Variants in KIRREL1 observed in about 807,000 individuals in gnomAD.
KIRREL1 encodes the protein kin of IRRE-like protein 1.
In KIRREL1, 25 loss-of-function variants were observed where a neutral mutation model predicts 83.3. The observed-to-expected ratio is 0.30, with a 90% confidence interval of 0.22 to 0.42. The LOEUF is 0.42. KIRREL1 is among the 10% of genes least tolerant of loss of function. The probability of loss-of-function intolerance (pLI) is 1.00; values close to 1 mark genes in which losing one functional copy is unlikely to be tolerated. For missense variants in KIRREL1, 812 were observed against 1,032.3 expected (o/e 0.79, Z 2.92); for synonymous variants, 388 against 410.4 (o/e 0.95, Z 0.66).
rs1661745107 is a variant in KIRREL1, at chr1:158,078,255, G to A, written c.352+115G>A. The stretch of plus-strand genomic sequence containing the variant: ...CCCAGCTTCTCCCTCTCTGTTACTG[G>A]CCTTATCCCTGCCCTAATGCTCAAG... On this transcript the variant is annotated intron_variant, in intron 3 of 14. Transcript: ENST00000359209. 3.4e-6 allele frequency: 4 copies of A among 1,163,636 alleles called. No homozygotes were observed. The Admixed American group carries it at 6.0e-5, about 18-fold the overall frequency. The allele number at this position is 1,163,636 out of a possible 1,614,324, so 72.1% of individuals were successfully genotyped here.
intron 1 of KIRREL1, among the ~76,000 whole-genome samples, chr1:158,051,525 T>C (rs1660909976): frequency 6.6e-6 from 1 of 152,216 alleles, no homozygotes. Flanking sequence ...CGCATCAACA[T>C]CAACACTAGA....
intron 1 of KIRREL1, among the ~76,000 whole-genome samples, chr1:158,064,051 G>GAA (rs1661297616): frequency 6.6e-6 from 1 of 152,196 alleles, no homozygotes; most frequent in Admixed American, 6.5e-5. Context: ...TCTGGAGGGT[G>GAA]GTGTTTTATA....
At position 158,088,134 on chromosome 1, in the gene KIRREL1, G is replaced by T; in HGVS notation, c.896G>T (p.Ser299Ile). Residue 299 changes from serine to isoleucine, a missense_variant, in exon 7 of 15, where the codon AGC (serine) becomes ATC (isoleucine). By Grantham distance (142) the Ser-to-Ile change is moderately radical (BLOSUM62 -2). This residue lies in a region of KIRREL1 where 472 missense variants were observed against 626.8 expected (regional missense o/e 0.75). Coordinates refer to ENST00000359209, the MANE Select transcript of KIRREL1 (RefSeq NM_018240.7). ...AACAAAGTGGGAAGCACCAATGTCA[G>T]CACTTTAGTAAATGTCCACTGTGAG... ...VHNKVGSTNV[S>I]TLVNVHFAPR... The T allele has an allele frequency of 6.2e-7, 1 of 1,614,212 alleles. No individual in the cohort carries two copies. Among genetic ancestry groups the T allele is most frequent in the Non-Finnish European group, 8.5e-7 (1 of 1,180,042 alleles).
At chr1:158,070,896 C>T (rs1661492637) in intron 1 of KIRREL1, among the ~76,000 whole-genome samples, 1 of 152,260 alleles carries the variant, frequency 6.6e-6, no homozygotes, top group African/African-American at 2.4e-5. Flanking sequence ...TCTCACCCCT[C>T]AAGACTCTGA....
rs527942970 is a variant in KIRREL1 at position 158,094,506 on chromosome 1, T to C, written c.1797+116T>C. 2 of 1,305,482 alleles carry C rather than the reference T, an allele frequency of 1.5e-6. No individual in the cohort carries two copies. Among genetic ancestry groups the C allele is most frequent in the African/African-American group, 2.9e-5 (2 of 68,800 alleles). 80.9% of individuals were successfully genotyped at this position (1,305,482 alleles called of 1,614,324 possible). Reference sequence around the variant, plus strand: ...TTGGGGAGGAGTGGTTGGGAGGGTTTTTGAAGGAGCAGAGGAGGTGGAATG... The same window carrying C: ...TTGGGGAGGAGTGGTTGGGAGGGTTCTTGAAGGAGCAGAGGAGGTGGAATG... On this transcript the variant is annotated intron_variant, in intron 14 of 14. Transcript: ENST00000359209. The surrounding 1 kb of genome is among the most constrained non-coding windows in gnomAD (Gnocchi z 4.6).
At chr1:158,052,485 G>T (rs1490304176) in intron 1 of KIRREL1, among the ~76,000 whole-genome samples, 5 of 152,046 alleles carry the variant, frequency 3.3e-5, no homozygotes, top group Non-Finnish European at 7.4e-5. Flanking sequence ...AATTTATAAA[G>T]AAAAGAGATT....
chr1:158,086,477 G>C, intron 4 of KIRREL1, 119 bp from the exon 5 acceptor site: 1 of 920,206 alleles, frequency 1.1e-6, no homozygotes, highest in Admixed American at 2.5e-5. Context: ...GAGTGAAGGG[G>C]ATTGAGCTTT....
intron 1 of KIRREL1, among the ~76,000 whole-genome samples, chr1:158,044,678 T>C (rs1208234046): frequency 6.6e-6 from 1 of 152,128 alleles, no homozygotes; most frequent in Non-Finnish European, 1.5e-5. Flanking sequence ...TTCGCATTTT[T>C]AGTAGAGATG....
At chr1:158,091,081 A>C (rs1289766233) in intron 10 of KIRREL1, among the ~76,000 whole-genome samples, 1 of 152,222 alleles carries the variant, frequency 6.6e-6, no homozygotes, top group Non-Finnish European at 1.5e-5. Context: ...TTTAGGACAT[A>C]AGTCCCAAAT....
intron 1 of KIRREL1, among the ~76,000 whole-genome samples, chr1:158,020,600 C>CA (rs370156588): frequency 0.17 from 14,208 of 83,004 alleles, 1,907 homozygotes; most frequent in South Asian, 0.31. Flanking sequence ...TACAGTAAAT[C>CA]AAAAAAAAAA....
intron 3 of KIRREL1, among the ~76,000 whole-genome samples, chr1:158,083,961 C>G (rs538878901): frequency 7.2e-5 from 11 of 152,182 alleles, no homozygotes; most frequent in Admixed American, 6.5e-4. Context: ...AACCCCTACT[C>G]TCTACTAAAA....
intron 1 of KIRREL1, among the ~76,000 whole-genome samples, chr1:158,047,776 C>A (rs76222637): frequency 0.019 from 2,965 of 152,144 alleles, 96 homozygotes; most frequent in African/African-American, 0.067. Context: ...ATGAACACAC[C>A]CTCCCAGAGC....
At chr1:158,027,706 G>A (rs553967306) in intron 1 of KIRREL1, among the ~76,000 whole-genome samples, 1 of 152,330 alleles carries the variant, frequency 6.6e-6, no homozygotes, top group Non-Finnish European at 1.5e-5. Context: ...TCAGAAATGA[G>A]GATAATACAC....
intron 1 of KIRREL1, among the ~76,000 whole-genome samples, chr1:158,050,121 GAT>G (rs1660873940): frequency 1.3e-5 from 2 of 152,150 alleles, no homozygotes; most frequent in African/African-American, 2.4e-5. Flanking sequence ...ATGCCTGTGA[GAT>G]GTGGTTAGAG....
intron 1 of KIRREL1, among the ~76,000 whole-genome samples, chr1:158,050,376 A>G (rs12059048): frequency 0.72 from 108,507 of 151,708 alleles, 38,967 homozygotes; most frequent in East Asian, 0.8. Flanking sequence ...TGAATTCCCC[A>G]AGGTCACACA....
intron 1 of KIRREL1, among the ~76,000 whole-genome samples, chr1:158,011,374 C>T (rs1462971444): frequency 6.6e-6 from 1 of 152,170 alleles, no homozygotes; most frequent in Non-Finnish European, 1.5e-5. Flanking sequence ...TCGGAGAAGC[C>T]CCAAGGCCTC....
chr1:158,057,561 T>A (rs1661099827), intron 1 of KIRREL1, among the ~76,000 whole-genome samples: 1 of 152,196 alleles, frequency 6.6e-6, no homozygotes, highest in Non-Finnish European at 1.5e-5. Context: ...AGTCAGTTCA[T>A]ATCCATAGCC....
In KIRREL1 at chr1:158,078,218, C is replaced by T. The variant is rs549421201; in HGVS notation, c.352+78C>T. 184 of 1,453,286 alleles carry T rather than the reference C, an allele frequency of 1.3e-4. 2 individuals are homozygous for T. In the South Asian group the frequency reaches 2.1e-3, roughly 17 times the overall value. 90.0% of individuals were successfully genotyped at this position (1,453,286 alleles called of 1,614,324 possible). A position where few individuals can be genotyped will look rare whatever the true frequency, so the allele number is the denominator to read the frequency against. On this transcript the variant is annotated intron_variant, in intron 3 of 14. Transcript: ENST00000359209. The stretch of plus-strand genomic sequence containing the variant: ...GGCAGTCTCTCCCACTCTCCAGTTC[C>T]CTCTTTAATTTCCCAGCTTCTCCCT...
chr1:158,089,437 G>A, intron 8 of KIRREL1, 65 bp from the exon 9 acceptor site: 13 of 1,596,880 alleles, frequency 8.1e-6, no homozygotes, highest in Non-Finnish European at 1.1e-5. Context: ...TCCGATGTGG[G>A]GCCCTCATGG....
Sources: gnomAD v4.1 joint callset for allele counts (sites outside exome capture counted in the v4.1 genomes callset) on GRCh38, gnomAD v4.1.1 for gene constraint, gnomAD v4.1.1 regional missense constraint, Gnocchi (gnomAD v3.1) non-coding constraint, MANE v1.5 for transcripts, NCBI Gene and HGNC (gene_info 2026-07-23, HGNC 2026-07-21) for gene names.